TANGO6: variants seen among roughly 807,000 people sequenced by gnomAD.
TANGO6 encodes the protein transport and Golgi organization protein 6 homolog.
In TANGO6, 90 loss-of-function variants were observed where a neutral mutation model predicts 114.2. That is an observed-to-expected ratio of 0.79 (90% CI 0.66 to 0.94). The LOEUF (loss-of-function observed/expected upper bound fraction) is 0.94. Ranked by LOEUF, TANGO6 falls within the 40% of genes least tolerant of loss-of-function variation. The probability of loss-of-function intolerance (pLI) is 0.00; values close to 1 mark genes in which losing one functional copy is unlikely to be tolerated. For synonymous variants in TANGO6, 477 were observed against 509.8 expected, an observed-to-expected ratio of 0.94 and a Z score of 0.87; for missense variants, 1,274 against 1,315.3, an observed-to-expected ratio of 0.97 and a Z score of 0.49.
intron 15 of TANGO6, among the ~76,000 whole-genome samples, chr16:69,010,108 A>T (rs1019291990): frequency 3.9e-5 from 6 of 152,090 alleles, no homozygotes; most frequent in African/African-American, 1.4e-4. Flanking sequence ...TGCTACCCTC[A>T]CTAAATGGAG....
At chr16:68,904,999 G>T (rs1378805333) in intron 9 of TANGO6, among the ~76,000 whole-genome samples, 2 of 152,008 alleles carry the variant, frequency 1.3e-5, no homozygotes, top group Non-Finnish European at 2.9e-5. Flanking sequence ...GAGACGGGCG[G>T]ATCACCTGAG....
chr16:68,982,723 C>T (rs924091964), intron 15 of TANGO6, among the ~76,000 whole-genome samples: 13 of 147,104 alleles, frequency 8.8e-5, no homozygotes, highest in Admixed American at 2.7e-4. Context: ...CCTCCCACCT[C>T]GGCCTCCCAA....
At chr16:68,920,458 A>G (rs1189538034) in intron 12 of TANGO6, among the ~76,000 whole-genome samples, 1 of 152,202 alleles carries the variant, frequency 6.6e-6, no homozygotes, top group Non-Finnish European at 1.5e-5. Flanking sequence ...CTGCAAGGAC[A>G]AAAGATAGTC....
intron 17 of TANGO6, among the ~76,000 whole-genome samples, chr16:69,055,032 T>TA (rs1433521346): frequency 6.6e-6 from 1 of 150,396 alleles, no homozygotes; most frequent in Non-Finnish European, 1.5e-5. Flanking sequence ...TTTTTTTTTT[T>TA]ATCCCTCTAC....
chr16:69,074,489 C>T (rs908318095), intron 17 of TANGO6, among the ~76,000 whole-genome samples: 1 of 152,054 alleles, frequency 6.6e-6, no homozygotes, highest in Admixed American at 6.6e-5. Context: ...AGATACAATA[C>T]TCGTATATAT....
chr16:68,869,090 A>C (rs1567527870), intron 4 of TANGO6, among the ~76,000 whole-genome samples: 1 of 152,110 alleles, frequency 6.6e-6, no homozygotes, highest in Non-Finnish European at 1.5e-5. Context: ...TCCTGGAGTT[A>C]ATCTTTTTTT....
At chr16:69,008,317 A>AT (rs1407127382) in intron 15 of TANGO6, among the ~76,000 whole-genome samples, 5 of 152,132 alleles carry the variant, frequency 3.3e-5, no homozygotes, top group Non-Finnish European at 7.4e-5. Context: ...CAAAGTATGC[A>AT]TTTTTTCTTT....
chr16:68,926,603 C>T lies in TANGO6; in HGVS notation c.2128-965C>T, dbSNP rs188089296. Among the ~76,000 whole-genome samples, 3 of 151,974 alleles carry T rather than the reference C, an allele frequency of 2.0e-5. No homozygotes were observed. In the East Asian group the frequency reaches 5.9e-4, roughly 30 times the overall value. The stretch of plus-strand genomic sequence containing the variant: ...AGGGCAGTGGCGTGATCTCAGCTCA[C>T]TGCAACCTCTGCCTCCCGGGTTTAA... On this transcript the variant is annotated intron_variant, in intron 12 of 17. Coordinates refer to ENST00000261778, the MANE Select transcript of TANGO6 (RefSeq NM_024562.2).
intron 1 of TANGO6, among the ~76,000 whole-genome samples, chr16:68,853,287 A>AT (rs1417532841): frequency 6.6e-6 from 1 of 152,068 alleles, no homozygotes; most frequent in Non-Finnish European, 1.5e-5. Context: ...AAAAAAAAAA[A>AT]AAAAGCATAT....
chr16:68,970,939 C>T (rs927017650), intron 14 of TANGO6, among the ~76,000 whole-genome samples: 1 of 152,046 alleles, frequency 6.6e-6, no homozygotes, highest in Non-Finnish European at 1.5e-5. Context: ...GGGCGGATCA[C>T]CTCAGGAGTT....
chr16:68,954,719 T>G (rs370073623), intron 14 of TANGO6, among the ~76,000 whole-genome samples: 3 of 152,334 alleles, frequency 2.0e-5, no homozygotes, highest in East Asian at 3.9e-4. Context: ...AGCTTGGTTG[T>G]CCAACACACA....
At chr16:68,897,017 C>T (rs1162224045) in intron 7 of TANGO6, among the ~76,000 whole-genome samples, 1 of 152,014 alleles carries the variant, frequency 6.6e-6, no homozygotes, top group African/African-American at 2.4e-5. Context: ...GATTCTCCTG[C>T]CTCAGCCTCC....
intron 17 of TANGO6, among the ~76,000 whole-genome samples, chr16:69,075,100 C>G (rs1012812315): frequency 2.0e-5 from 3 of 151,788 alleles, no homozygotes; most frequent in African/African-American, 7.3e-5. Context: ...GCTTGGCCTT[C>G]CAAAAGTGCA....
chr16:68,862,011 TA>T (rs1183173746), intron 2 of TANGO6, among the ~76,000 whole-genome samples: 11 of 151,654 alleles, frequency 7.3e-5, no homozygotes, highest in Non-Finnish European at 2.9e-5. Context: ...TGGAGACATC[TA>T]TTTTTTTTTA....
chr16:69,009,993 G>A (rs182295331), intron 15 of TANGO6, among the ~76,000 whole-genome samples: 67 of 152,306 alleles, frequency 4.4e-4, no homozygotes, highest in African/African-American at 1.4e-3. Context: ...ATGACTGTGC[G>A]ATTGATGACC....
rs1044618533 is a variant in TANGO6 at position 69,039,301 on chromosome 16, C to T, written c.2995-1007C>T. On this transcript the variant is annotated intron_variant, in intron 16 of 17. Coordinates refer to ENST00000261778, the MANE Select transcript of TANGO6 (RefSeq NM_024562.2). ...TGACATTGCACCACTGCACTCCAGC[C>T]TGGGCAACAGAGCGAGACTCCGTCT... Among the ~76,000 whole-genome samples, 3 of 150,620 alleles carry T rather than the reference C, an allele frequency of 2.0e-5. No homozygotes were observed. The East Asian group carries it at 5.9e-4, about 29-fold the overall frequency.
intron 14 of TANGO6, among the ~76,000 whole-genome samples, chr16:68,955,917 G>A (rs999553227): frequency 4.6e-5 from 7 of 152,144 alleles, no homozygotes; most frequent in Admixed American, 2.0e-4. Context: ...TGGGAGGCCC[G>A]AGGCTGGAGG....
At chr16:68,926,587 G>T (rs1050179468) in intron 12 of TANGO6, among the ~76,000 whole-genome samples, 9 of 151,620 alleles carry the variant, frequency 5.9e-5, no homozygotes, top group Non-Finnish European at 1.2e-4. Flanking sequence ...GAGGGCAGTG[G>T]CGTGATCTCA....
intron 15 of TANGO6, among the ~76,000 whole-genome samples, chr16:68,995,962 A>G (rs947924376): frequency 6.6e-6 from 1 of 152,212 alleles, no homozygotes; most frequent in Non-Finnish European, 1.5e-5. Context: ...CAAACAAGAT[A>G]ATAGACATAT....
Sources: gnomAD v4.1 joint callset for allele counts (sites outside exome capture counted in the v4.1 genomes callset) on GRCh38, gnomAD v4.1.1 for gene constraint, MANE v1.5 for transcripts, NCBI Gene and HGNC (gene_info 2026-07-23, HGNC 2026-07-21) for gene names.